Variants in CALN1 observed in about 807,000 individuals in gnomAD.
The protein encoded by CALN1 is calneuron 1, also known as calcium-binding protein 8.
Under a neutral mutation model 30.6 loss-of-function variants are expected in CALN1, and 17 were observed. The observed-to-expected ratio is 0.56, with a 90% CI of 0.38 to 0.83. The LOEUF is 0.83. CALN1 is among the 40% of genes least tolerant of loss of function. CALN1 has a pLI of 0.00. For synonymous variants in CALN1, 156 were observed against 131.4 expected (o/e 1.19, Z -1.28); for missense variants, 291 against 354.9 (o/e 0.82, Z 1.45).
At chr7:71,944,490 A>G (rs1796299867) in intron 5 of CALN1, among the ~76,000 whole-genome samples, 1 of 143,560 alleles carries the variant, frequency 7.0e-6, no homozygotes, top group Non-Finnish European at 1.5e-5. Flanking sequence ...GCTACTTGGG[A>G]GGCTGAGGCA....
At chr7:72,084,881 A>C (rs949644740) in intron 4 of CALN1, among the ~76,000 whole-genome samples, 1 of 152,184 alleles carries the variant, frequency 6.6e-6, no homozygotes, top group Non-Finnish European at 1.5e-5. Context: ...TAAACAATTC[A>C]TAAGTCTTCA....
chr7:72,019,003 AT>A (rs376556919), intron 5 of CALN1, among the ~76,000 whole-genome samples: 39,869 of 143,630 alleles, frequency 0.28, 8,222 homozygotes, highest in African/African-American at 0.58. Flanking sequence ...TATCCAGCTA[AT>A]TTTTTTTTTT....
intron 5 of CALN1, among the ~76,000 whole-genome samples, chr7:71,909,258 G>T (rs1042266103): frequency 6.6e-6 from 1 of 152,174 alleles, no homozygotes; most frequent in Admixed American, 6.5e-5. Context: ...GGAAGTGCTG[G>T]TATTACAGGC....
intron 5 of CALN1, among the ~76,000 whole-genome samples, chr7:71,963,274 T>C (rs955738130): frequency 6.6e-6 from 1 of 152,176 alleles, no homozygotes; most frequent in Non-Finnish European, 1.5e-5. Flanking sequence ...GCGATTCTCC[T>C]GCCTCAGCCT....
chr7:72,457,293 T>C, the CALN1 span, among the ~76,000 whole-genome samples: 1 of 152,200 alleles, frequency 6.6e-6, no homozygotes, highest in Admixed American at 6.6e-5. Context: ...TTGTTTCTCA[T>C]AGTGTTTGGA....
Position 72,323,661 on chromosome 7 carries a change from C to CAA in CALN1, c.120-44853_120-44852dup, listed in dbSNP as rs199739156. 2.8e-3 allele frequency among the ~76,000 whole-genome samples: 268 copies of CAA among 96,210 alleles called. 2 individuals are homozygous for CAA. The highest frequency in any genetic ancestry group is 0.012 in the East Asian group (47 of 4,000). 63.1% of individuals were successfully genotyped at this position (96,210 alleles called of 152,430 possible). A position where few individuals can be genotyped will look rare whatever the true frequency, so the allele number is the denominator to read the frequency against. ...CTGGGGACAGAGCGAGACTCCATCT[C>CAA]AAAAAAAAAAAAATAAAAAATAAAG... On this transcript the variant is annotated intron_variant, in intron 2 of 6. Coordinates refer to ENST00000395275, the MANE Select transcript of CALN1 (RefSeq NM_031468.4).
chr7:71,882,774 C>T (rs947571247), intron 5 of CALN1, among the ~76,000 whole-genome samples: 14 of 151,802 alleles, frequency 9.2e-5, no homozygotes, highest in Non-Finnish European at 2.1e-4. Context: ...GCCTCCAACT[C>T]CTGGGCTCAA....
Position 71,907,463 on chromosome 7 carries a change from C to T in CALN1, c.502-96971G>A, listed in dbSNP as rs540395254. Among the ~76,000 whole-genome samples, 20 of 152,274 alleles carry T rather than the reference C, an allele frequency of 1.3e-4. No homozygotes were observed. The East Asian group carries it at 1.5e-3, about 12-fold the overall frequency. ...TGCATCAACTATGAAGCACACCACA[C>T]AGCACCTCAGCATCAGCAGAATAAA... On this transcript the variant is annotated intron_variant, in intron 5 of 6. Transcript: ENST00000395275.
chr7:72,330,504 T>C (rs2129558032), intron 2 of CALN1, among the ~76,000 whole-genome samples: 1 of 151,950 alleles, frequency 6.6e-6, no homozygotes, highest in African/African-American at 2.4e-5. Context: ...AGACCTTTGT[T>C]GGCCATCCAA....
intron 4 of CALN1, among the ~76,000 whole-genome samples, chr7:72,091,365 T>A (rs1024531820): frequency 1.3e-4 from 20 of 152,148 alleles, no homozygotes; most frequent in Admixed American, 1.3e-3. Flanking sequence ...CAGTAATTTA[T>A]TGTATATTTC....
At chr7:72,500,111 CA>C in the CALN1 span, among the ~76,000 whole-genome samples, 3 of 147,770 alleles carry the variant, frequency 2.0e-5, no homozygotes, top group Admixed American at 1.4e-4. Context: ...AGGGTTTCAC[CA>C]TGTTGGCCAG....
chr7:72,486,588 G>A, the CALN1 span, among the ~76,000 whole-genome samples: 2 of 151,948 alleles, frequency 1.3e-5, no homozygotes, highest in African/African-American at 2.4e-5. Context: ...GGCCAGGCTC[G>A]TCTCAAACTC....
chr7:72,192,981 A>C, intron 3 of CALN1, among the ~76,000 whole-genome samples: 1 of 152,016 alleles, frequency 6.6e-6, no homozygotes, highest in East Asian at 1.9e-4. Context: ...TGAGGTCAGG[A>C]GTTCGAGACC....
At chr7:71,837,219 G>A (rs1267472881) in intron 5 of CALN1, among the ~76,000 whole-genome samples, 13 of 95,198 alleles carry the variant, frequency 1.4e-4, no homozygotes, top group Non-Finnish European at 2.2e-4. Context: ...GTGACAGGGC[G>A]AAACTCCATC....
At chr7:72,155,226 C>T (rs1787571178) in intron 3 of CALN1, among the ~76,000 whole-genome samples, 1 of 152,160 alleles carries the variant, frequency 6.6e-6, no homozygotes, top group African/African-American at 2.4e-5. Flanking sequence ...CTTGCCAACA[C>T]CTTGGGCTTC....
intron 3 of CALN1, among the ~76,000 whole-genome samples, chr7:72,269,952 A>G (rs1796861826): frequency 6.6e-6 from 1 of 152,166 alleles, no homozygotes; most frequent in Non-Finnish European, 1.5e-5. Flanking sequence ...AAAGAAAACT[A>G]TTGTCTTAAT....
rs112020943 is a variant in CALN1 at position 72,032,483 on chromosome 7, A to G, written c.389-8714T>C. On this transcript the variant is annotated intron_variant, in intron 4 of 6. Transcript: ENST00000395275. ...TGGGATTACAAGCGTGATCCACTGCACCCGACAAGAACCCTGGTATTAACC... is the reference window on the plus strand; with the variant it reads ...TGGGATTACAAGCGTGATCCACTGCGCCCGACAAGAACCCTGGTATTAACC... Among the ~76,000 whole-genome samples, 797 of 152,220 alleles carry G rather than the reference A, an allele frequency of 5.2e-3. 4 individuals are homozygous for G. The highest frequency in any genetic ancestry group is 0.018 in the African/African-American group (752 of 41,538).
At chr7:72,246,148 C>A (rs1795144159) in intron 3 of CALN1, among the ~76,000 whole-genome samples, 2 of 152,144 alleles carry the variant, frequency 1.3e-5, no homozygotes, top group South Asian at 4.1e-4. Context: ...CTGTCTGGGT[C>A]TTGGGATGAA....
intron 2 of CALN1, among the ~76,000 whole-genome samples, chr7:72,339,130 G>A (rs543784829): frequency 1.3e-5 from 2 of 152,174 alleles, no homozygotes; most frequent in Non-Finnish European, 1.5e-5. Context: ...TTCCATCCAT[G>A]TAGTTACAAA....
Sources: gnomAD v4.1 joint callset for allele counts (sites outside exome capture counted in the v4.1 genomes callset) on GRCh38, gnomAD v4.1.1 for gene constraint, MANE v1.5 for transcripts, NCBI Gene and HGNC (gene_info 2026-07-23, HGNC 2026-07-21) for gene names.